The following STAB2 variants were observed in gnomAD, a reference collection of about 807,000 sequenced individuals.
The protein encoded by STAB2 is stabilin-2.
A neutral mutation model predicts 338.1 loss-of-function variants in STAB2; 288 were observed. The observed-to-expected ratio is 0.85, with a 90% CI of 0.77 to 0.94. STAB2 has a LOEUF of 0.94. Among genes scored for constraint, STAB2 ranks in the 40% least tolerant of loss-of-function variants. The pLI is 0.00. For synonymous variants in STAB2, 1,202 were observed against 1,193.3 expected, an observed-to-expected ratio of 1.01 and a Z score of -0.15; for missense variants, 3,141 against 3,210.1, an observed-to-expected ratio of 0.98 and a Z score of 0.52.
chr12:103,724,028 G>A lies in STAB2; in HGVS notation c.4684-947G>A, dbSNP rs553217896. Among the ~76,000 whole-genome samples the A allele has an allele frequency of 5.3e-5, 8 of 152,260 alleles. No individual in the cohort carries two copies. The East Asian group carries it at 1.4e-3, about 26-fold the overall frequency. On this transcript the variant is annotated intron_variant, in intron 44 of 68. Coordinates refer to ENST00000388887, the MANE Select transcript of STAB2 (RefSeq NM_017564.10). The stretch of plus-strand genomic sequence containing the variant: ...AGGGGTGGTAGAGGCCGTTGACAAG[G>A]GTATTGACACTGCCACGGACGGCAA...
chr12:103,738,977 G>A (rs1237731907), intron 53 of STAB2, among the ~76,000 whole-genome samples: 1 of 151,992 alleles, frequency 6.6e-6, no homozygotes, highest in Non-Finnish European at 1.5e-5. Flanking sequence ...CTTTGTTGTT[G>A]TTGTTGTTGT....
chr12:103,708,614 TA>T (rs747016881), intron 39 of STAB2, 78 bp downstream of exon 39: 20 of 1,334,626 alleles, frequency 1.5e-5, no homozygotes, highest in Non-Finnish European at 2.0e-5. Flanking sequence ...TTCTAAAATA[TA>T]AATGACACCT....
At position 103,732,920 on chromosome 12, in the gene STAB2, T is replaced by C. The variant is rs1015782963; in HGVS notation, c.5284-86T>C. On this transcript the variant is annotated intron_variant, in intron 50 of 68. Coordinates refer to ENST00000388887, the MANE Select transcript of STAB2 (RefSeq NM_017564.10). ...TCCCAGTAAGCCACGGGCTTGAGCA[T>C]GGAGGAGAATCCTCAGAGACAGAAC... The C allele has an allele frequency of 2.0e-6, 3 of 1,510,662 alleles. No individual in the cohort carries two copies. In the African/African-American group the frequency reaches 4.1e-5, roughly 21 times the overall value. The allele number at this position is 1,510,662 out of a possible 1,614,324, so 93.6% of individuals were successfully genotyped here. A position where few individuals can be genotyped will look rare whatever the true frequency, so the allele number is the denominator to read the frequency against.
Position 103,715,289 on chromosome 12 carries a change from G to C in STAB2, c.4538-526G>C, listed in dbSNP as rs545164488. 2.0e-3 allele frequency among the ~76,000 whole-genome samples: 298 copies of C among 152,098 alleles called. 1 individual carries two copies. The highest frequency in any genetic ancestry group is 3.8e-3 in the Non-Finnish European group (256 of 68,020). The stretch of plus-strand genomic sequence containing the variant: ...TTTGACCACTCAGTGAAGGTGCTGT[G>C]ATGTTTCCATTATACAGTTATTTTT... On this transcript the variant is annotated intron_variant, in intron 42 of 68. Transcript: ENST00000388887.
At chr12:103,599,073 T>TGC (rs1346586832) in intron 3 of STAB2, among the ~76,000 whole-genome samples, 6 of 152,206 alleles carry the variant, frequency 3.9e-5, no homozygotes, top group Non-Finnish European at 1.5e-5. Context: ...ACCCCAGTTC[T>TGC]AGTTCATTAC....
chr12:103,692,774 A>G (rs148764324), intron 30 of STAB2, 38 bp from the exon 31 acceptor site: 14 of 1,562,526 alleles, frequency 9.0e-6, no homozygotes, highest in South Asian at 5.6e-5. Flanking sequence ...GGTGCGCTCT[A>G]TAAAGACTCA....
chr12:103,594,504 T>C lies in STAB2; in HGVS notation c.325T>C (p.Cys109Arg), dbSNP rs776079459. Residue 109 changes from cysteine (C) to arginine (R), a missense_variant, in exon 3 of 69, where the codon TGT (cysteine) becomes CGT (arginine). Cys to Arg is a radical substitution (Grantham distance 180). Transcript: ENST00000388887. ...RCCPGRWGPD[C>R]IECPGGAGSP... is the part of the protein sequence containing the mutation. Reference sequence around the variant, plus strand: ...TTGTCCTGGCCGCTGGGGCCCAGACTGTATAGGTAAGTGGCACAATGCTTG... The same window carrying C: ...TTGTCCTGGCCGCTGGGGCCCAGACCGTATAGGTAAGTGGCACAATGCTTG... 1 of 1,612,770 alleles carries C rather than the reference T, an allele frequency of 6.2e-7. No homozygotes were observed. Among genetic ancestry groups the C allele is most frequent in the South Asian group, 1.1e-5 (1 of 91,008 alleles).
At position 103,590,957 on chromosome 12, in the gene STAB2, C is replaced by T. The variant is rs536289283; in HGVS notation, c.142C>T (p.Leu48Phe). 2 of 1,614,168 alleles carry T rather than the reference C, an allele frequency of 1.2e-6. No individual in the cohort carries two copies. The highest frequency in any genetic ancestry group is 2.2e-5 in the East Asian group (1 of 44,886). ...TIRTECRSCA[L>F]NLGVKCPDGY... ...TAGGACCGAGTGCCGATCCTGCGCT[C>T]TCAACCTTGGAGTCAAGTGCCCGGA... is the stretch of plus-strand genomic sequence containing the variant. The change falls in exon 2 of 69, where the codon CTC becomes TTC. Residue 48 changes from leucine to phenylalanine, a missense_variant. By Grantham distance (22) the Leu-to-Phe change is conservative. Transcript: ENST00000388887.
At chr12:103,658,163 G>T (rs559791852) in intron 15 of STAB2, among the ~76,000 whole-genome samples, 2 of 152,214 alleles carry the variant, frequency 1.3e-5, no homozygotes, top group African/African-American at 4.8e-5. Flanking sequence ...AGTGGGGAAA[G>T]GGACGTGAAT....
At chr12:103,756,443 C>T (rs1884108644) in intron 63 of STAB2, among the ~76,000 whole-genome samples, 1 of 151,596 alleles carries the variant, frequency 6.6e-6, no homozygotes, top group Non-Finnish European at 1.5e-5. Context: ...TCTCCCCAAA[C>T]CCTCAGATAG....
At position 103,590,938 on chromosome 12, in the gene STAB2, C is replaced by G; in HGVS notation, c.123C>G (p.Thr41=). ...CDRKSLLTIR[T]ECRSCALNLG... is the part of the protein sequence containing the mutation. ...GGAAGTCTCTTCTTACAATTAGGAC[C>G]GAGTGCCGATCCTGCGCTCTCAACC... The change falls in exon 2 of 69, where the codon ACC becomes ACG. Residue 41 remains threonine (T), a synonymous_variant. Coordinates refer to ENST00000388887, the MANE Select transcript of STAB2 (RefSeq NM_017564.10). 6.2e-7 allele frequency: 1 copy of G among 1,614,006 alleles called. No individual in the cohort carries two copies. Among genetic ancestry groups the G allele is most frequent in the South Asian group, 1.1e-5 (1 of 91,070 alleles).
chr12:103,711,399 G>A, intron 39 of STAB2, 72 bp from the exon 40 acceptor site: 1 of 1,601,910 alleles, frequency 6.2e-7, no homozygotes, highest in Non-Finnish European at 8.5e-7. Context: ...GCTTTTCTGA[G>A]CACAAAATAC....
At chr12:103,725,175 G>A in intron 45 of STAB2, 81 bp downstream of exon 45, 1 of 1,550,988 alleles carries the variant, frequency 6.4e-7, no homozygotes, top group Non-Finnish European at 8.8e-7. Flanking sequence ...GAGTATTTAA[G>A]AGCTTGGTGA....
chr12:103,710,701 C>T (rs979433177), intron 39 of STAB2, among the ~76,000 whole-genome samples: 3 of 152,228 alleles, frequency 2.0e-5, no homozygotes, highest in African/African-American at 7.2e-5. Flanking sequence ...TGCCTCCATT[C>T]CAGCCCATTT....
chr12:103,692,349 A>T (rs1292634211), intron 30 of STAB2, among the ~76,000 whole-genome samples: 1 of 152,078 alleles, frequency 6.6e-6, no homozygotes, highest in African/African-American at 2.4e-5. Flanking sequence ...TAAAGTCATC[A>T]TCTGAGGTAC....
Position 103,648,675 on chromosome 12 carries a change from TC to T in STAB2, c.1041-10del. The T allele has an allele frequency of 1.9e-6, 3 of 1,612,172 alleles. No homozygotes were observed. Among genetic ancestry groups the T allele is most frequent in the Non-Finnish European group, 2.5e-6 (3 of 1,179,096 alleles). ...GCTCTAAAACCCTGAGGATGTCTTT[TC>T]CCCCTCTCTGTAGATGCATTTGCCA... is the stretch of plus-strand genomic sequence containing the variant. On this transcript the variant is annotated splice_polypyrimidine_tract_variant and intron_variant, in intron 9 of 68. Transcript: ENST00000388887.
At chr12:103,589,516 G>T (rs983385888) in intron 1 of STAB2, among the ~76,000 whole-genome samples, 1 of 152,170 alleles carries the variant, frequency 6.6e-6, no homozygotes, top group African/African-American at 2.4e-5. Flanking sequence ...TCTACTAACT[G>T]CTCTATGCTC....
At chr12:103,611,526 T>C (rs1448928087) in intron 3 of STAB2, among the ~76,000 whole-genome samples, 2 of 152,162 alleles carry the variant, frequency 1.3e-5, no homozygotes, top group African/African-American at 4.8e-5. Context: ...CCTTTTTTTG[T>C]TTTCCATTTG....
chr12:103,659,450 G>A (rs117039181), intron 15 of STAB2, among the ~76,000 whole-genome samples: 2,249 of 152,300 alleles, frequency 0.015, 22 homozygotes, highest in Middle Eastern at 0.024. Context: ...CAGTTATTAG[G>A]ATCTTGATTT....
Sources: allele counts gnomAD v4.1 joint callset (sites outside exome capture counted in the v4.1 genomes callset), GRCh38; gene constraint gnomAD v4.1.1; transcripts MANE v1.5; gene names NCBI Gene and HGNC (gene_info 2026-07-23, HGNC 2026-07-21).